METTL24: variants seen among roughly 807,000 people sequenced by gnomAD.
METTL24 encodes methyltransferase like 24, also known as probable methyltransferase-like protein 24.
METTL24 carries 29 observed loss-of-function variants against 32.7 expected under a neutral mutation model. The ratio of observed to expected loss-of-function variants is 0.89; its 90% CI spans 0.66 to 1.21. The LOEUF (loss-of-function observed/expected upper bound fraction) is 1.21. METTL24 is among the 50% of genes most tolerant of loss of function. METTL24 has a pLI of 0.00. For missense variants in METTL24, 439 were observed against 468.1 expected (o/e 0.94, Z 0.57); for synonymous variants, 163 against 179.5 (o/e 0.91, Z 0.73).
At chr6:110,297,255 G>T (rs943362919) in intron 4 of METTL24, among the ~76,000 whole-genome samples, 1 of 152,150 alleles carries the variant, frequency 6.6e-6, no homozygotes, top group African/African-American at 2.4e-5. Flanking sequence ...TAGCATAAAA[G>T]TTGGCCCACT....
intron 4 of METTL24, among the ~76,000 whole-genome samples, chr6:110,278,847 C>G (rs572827257): frequency 6.6e-6 from 1 of 152,068 alleles, no homozygotes; most frequent in Admixed American, 6.6e-5. Context: ...CACAGTGAGA[C>G]GTCATCTCTA....
At chr6:110,264,887 C>A (rs1231969175) in intron 4 of METTL24, among the ~76,000 whole-genome samples, 1 of 151,984 alleles carries the variant, frequency 6.6e-6, no homozygotes, top group African/African-American at 2.4e-5. Context: ...AAACCAAACA[C>A]CACATGTTCT....
intron 3 of METTL24, among the ~76,000 whole-genome samples, chr6:110,302,127 C>T (rs1164402634): frequency 6.6e-6 from 1 of 151,608 alleles, no homozygotes; most frequent in African/African-American, 2.4e-5. Flanking sequence ...AATACAAAAA[C>T]ATTAGCCAGG....
At chr6:110,296,988 T>C (rs1407377572) in intron 4 of METTL24, among the ~76,000 whole-genome samples, 3 of 121,750 alleles carry the variant, frequency 2.5e-5, no homozygotes, top group Non-Finnish European at 4.8e-5. Context: ...AGTTTTGTTG[T>C]TTTTGTTTTA....
intron 1 of METTL24, among the ~76,000 whole-genome samples, chr6:110,337,728 C>T (rs961500499): frequency 1.3e-5 from 2 of 152,160 alleles, no homozygotes; most frequent in Non-Finnish European, 1.5e-5. Flanking sequence ...AGAATTCTCC[C>T]GCTTATTCAC....
chr6:110,353,160 A>G (rs1772641805), intron 1 of METTL24, among the ~76,000 whole-genome samples: 1 of 152,236 alleles, frequency 6.6e-6, no homozygotes, highest in Non-Finnish European at 1.5e-5. Flanking sequence ...AGCAACTGCT[A>G]TTTCACACCC....
At chr6:110,336,738 C>CAA (rs57378153) in intron 1 of METTL24, among the ~76,000 whole-genome samples, 6 of 131,400 alleles carry the variant, frequency 4.6e-5, no homozygotes, top group Non-Finnish European at 4.8e-5. Flanking sequence ...GACTCCGCCT[C>CAA]AAAAAAAAAA....
rs191201149 is a variant in METTL24, at chr6:110,252,697, C to A, written c.787-6437G>T. Among the ~76,000 whole-genome samples, 14 of 152,234 alleles carry A rather than the reference C, an allele frequency of 9.2e-5. No homozygotes were observed. The East Asian group carries it at 2.5e-3, about 27-fold the overall frequency. On this transcript the variant is annotated intron_variant, in intron 4 of 4. Transcript: ENST00000338882. Reference sequence around the variant, plus strand: ...TGGTTTTAGCTAGTAAAAGTGTGAGCCATCAAATTAATTGGAGGTGAGTCA... The same window carrying A: ...TGGTTTTAGCTAGTAAAAGTGTGAGACATCAAATTAATTGGAGGTGAGTCA...
At chr6:110,249,011 T>C (rs187849171) in intron 4 of METTL24, among the ~76,000 whole-genome samples, 9 of 152,112 alleles carry the variant, frequency 5.9e-5, no homozygotes, top group Admixed American at 4.6e-4. Flanking sequence ...TAGCCAAGAA[T>C]GTCTTAGGTT....
At chr6:110,331,655 G>A (rs1332407870) in intron 1 of METTL24, among the ~76,000 whole-genome samples, 2 of 105,236 alleles carry the variant, frequency 1.9e-5, no homozygotes, top group Non-Finnish European at 3.4e-5. Flanking sequence ...GTGAGACCCT[G>A]CCTCAAAAAA....
At chr6:110,307,337 A>G (rs184527067) in intron 3 of METTL24, among the ~76,000 whole-genome samples, 3 of 152,370 alleles carry the variant, frequency 2.0e-5, no homozygotes, top group Admixed American at 6.5e-5. Flanking sequence ...TATAGCAAAA[A>G]TGTATTTAGT....
intron 4 of METTL24, among the ~76,000 whole-genome samples, chr6:110,294,497 C>T (rs1161973062): frequency 2.0e-5 from 3 of 151,796 alleles, no homozygotes; most frequent in African/African-American, 4.8e-5. Context: ...GGGAATACTG[C>T]AGAAAACCAA....
In METTL24 at chr6:110,248,544, A is replaced by G. The variant is rs532468979; in HGVS notation, c.787-2284T>C. On this transcript the variant is annotated intron_variant, in intron 4 of 4. Transcript: ENST00000338882. ...CAATAGTTCCAAACTCAAAGAGAAA[A>G]AGTTAAAACAAAACAAAACCTTTCT... 1.2e-3 allele frequency among the ~76,000 whole-genome samples: 184 copies of G among 149,096 alleles called. 4 individuals carry two copies. In the South Asian group the frequency reaches 0.016, roughly 13 times the overall value.
intron 4 of METTL24, among the ~76,000 whole-genome samples, chr6:110,272,836 T>C (rs188887738): frequency 2.6e-4 from 40 of 152,312 alleles, no homozygotes; most frequent in African/African-American, 8.4e-4. Context: ...CCTTGCTGAT[T>C]TGAGTTCCTT....
At chr6:110,306,799 C>T (rs983661920) in intron 3 of METTL24, among the ~76,000 whole-genome samples, 8 of 152,092 alleles carry the variant, frequency 5.3e-5, no homozygotes, top group Non-Finnish European at 1.2e-4. Context: ...AAACATGGCC[C>T]AAAGCGGTAA....
At chr6:110,350,232 T>C (rs561724016) in intron 1 of METTL24, among the ~76,000 whole-genome samples, 33 of 152,350 alleles carry the variant, frequency 2.2e-4, no homozygotes, top group African/African-American at 7.9e-4. Flanking sequence ...ACTATATCTG[T>C]GGTAGTGCCT....
rs544192345 is a variant in METTL24 at position 110,253,158 on chromosome 6, C to T, written c.787-6898G>A. ...GGAAAGGTGTCTGACTGCCCCGAGG[C>T]GGTACTGCTATGAGAAAATCCAAAC... On this transcript the variant is annotated intron_variant, in intron 4 of 4. Coordinates refer to ENST00000338882, the MANE Select transcript of METTL24 (RefSeq NM_001123364.3). 1.6e-3 allele frequency among the ~76,000 whole-genome samples: 239 copies of T among 152,104 alleles called. 1 individual carries two copies. Among genetic ancestry groups the T allele is most frequent in the Non-Finnish European group, 2.0e-3 (134 of 68,024 alleles).
At chr6:110,286,477 T>C (rs1055583393) in intron 4 of METTL24, among the ~76,000 whole-genome samples, 16 of 152,190 alleles carry the variant, frequency 1.1e-4, no homozygotes, top group African/African-American at 3.9e-4. Context: ...TGGTGTGTTG[T>C]TGATACTGTT....
chr6:110,245,960 T>A lies in METTL24; in HGVS notation c.1087A>T (p.Thr363Ser). Residue 363 changes from threonine (T) to serine (S), a missense_variant, in exon 5 of 5, where the codon ACA (threonine) becomes TCA (serine). Transcript: ENST00000338882. ...SSCYTLSWVN[T>S]RWK ...CATCCTGCATCCTATTTCCATCTTG[T>A]ATTCACCCAACTCAGAGTATAACAG... 1 of 1,611,190 alleles carries A rather than the reference T, an allele frequency of 6.2e-7. No homozygotes were observed. Among genetic ancestry groups the A allele is most frequent in the Non-Finnish European group, 8.5e-7 (1 of 1,178,312 alleles).
Sources: gnomAD v4.1 joint callset for allele counts (sites outside exome capture counted in the v4.1 genomes callset) on GRCh38, gnomAD v4.1.1 for gene constraint, MANE v1.5 for transcripts, NCBI Gene and HGNC (gene_info 2026-07-23, HGNC 2026-07-21) for gene names.